EGFLAM: variants seen among roughly 807,000 people sequenced by gnomAD.
The protein encoded by EGFLAM is EGF like, fibronectin type III and laminin G domains, also known as pikachurin.
In EGFLAM, 79 loss-of-function variants were observed where a neutral mutation model predicts 113.1. That is an observed-to-expected ratio of 0.70 (90% confidence interval 0.58 to 0.84). The LOEUF is 0.84. Ranked by LOEUF, EGFLAM falls within the 40% of genes least tolerant of loss-of-function variation. The pLI is 0.00. For synonymous variants in EGFLAM, 504 were observed against 487.6 expected (o/e 1.03, Z -0.44); for missense variants, 1,265 against 1,291.6 (o/e 0.98, Z 0.32).
At chr5:38,263,248 A>C (rs990824673) in intron 1 of EGFLAM, among the ~76,000 whole-genome samples, 1 of 152,136 alleles carries the variant, frequency 6.6e-6, no homozygotes, top group African/African-American at 2.4e-5. Flanking sequence ...GATCACTTGA[A>C]GCCAGGCGTT....
chr5:38,438,590 A>C, intron 17 of EGFLAM, 135 bp downstream of exon 17: 1 of 841,748 alleles, frequency 1.2e-6, no homozygotes. Flanking sequence ...CAATTATTTC[A>C]ATAACTTATT....
intron 17 of EGFLAM, 162 bp from the exon 18 acceptor site, chr5:38,448,139 C>T: frequency 1.4e-6 from 1 of 727,972 alleles, no homozygotes; most frequent in South Asian, 1.8e-5. Flanking sequence ...TGGGGTTGGG[C>T]AACTGTGAAC....
intron 5 of EGFLAM, among the ~76,000 whole-genome samples, chr5:38,357,627 G>A (rs1373520319): frequency 6.6e-6 from 1 of 152,114 alleles, no homozygotes; most frequent in Non-Finnish European, 1.5e-5. Context: ...CATCTAAGGG[G>A]CAGGACTCTG....
At chr5:38,435,309 G>A (rs1024127117) in intron 16 of EGFLAM, 56 bp downstream of exon 16, 24 of 1,318,478 alleles carry the variant, frequency 1.8e-5, no homozygotes, top group Non-Finnish European at 2.3e-5. Context: ...GACAAAGAAA[G>A]TGAGGATTAT....
At chr5:38,341,271 C>T (rs547172479) in intron 3 of EGFLAM, among the ~76,000 whole-genome samples, 1 of 152,324 alleles carries the variant, frequency 6.6e-6, no homozygotes, top group East Asian at 1.9e-4. Flanking sequence ...AAATGACTCA[C>T]AGTTCTGCAT....
At chr5:38,385,816 A>G (rs1054740960) in intron 6 of EGFLAM, among the ~76,000 whole-genome samples, 1 of 152,230 alleles carries the variant, frequency 6.6e-6, no homozygotes, top group African/African-American at 2.4e-5. Flanking sequence ...TGCGTTGCTT[A>G]ACAACAGGGA....
At chr5:38,386,649 G>GGCAT (rs1372180464) in intron 6 of EGFLAM, among the ~76,000 whole-genome samples, 4 of 152,236 alleles carry the variant, frequency 2.6e-5, no homozygotes, top group African/African-American at 7.2e-5. Context: ...TGGGACTACA[G>GGCAT]GCATGTACCA....
At chr5:38,279,190 A>T (rs756084351) in intron 1 of EGFLAM, among the ~76,000 whole-genome samples, 2 of 152,214 alleles carry the variant, frequency 1.3e-5, no homozygotes, top group Non-Finnish European at 2.9e-5. Flanking sequence ...CCCAGCTAGA[A>T]TGGCTGTTAT....
intron 1 of EGFLAM, among the ~76,000 whole-genome samples, chr5:38,332,898 C>T (rs1739082941): frequency 6.6e-6 from 1 of 152,220 alleles, no homozygotes; most frequent in South Asian, 2.1e-4. Flanking sequence ...GAACATGTCA[C>T]AGTGCTACAG....
intron 1 of EGFLAM, among the ~76,000 whole-genome samples, chr5:38,263,842 A>G (rs1757564055): frequency 6.6e-6 from 1 of 152,118 alleles, no homozygotes. Context: ...TTGTATGGAT[A>G]TCTTGGCTTT....
intron 1 of EGFLAM, among the ~76,000 whole-genome samples, chr5:38,319,157 C>T (rs1165313386): frequency 6.6e-6 from 1 of 152,122 alleles, no homozygotes; most frequent in Non-Finnish European, 1.5e-5. Flanking sequence ...CTTCAGCAGA[C>T]CCCCAACTCC....
rs781426022 is a variant in EGFLAM, at chr5:38,412,500, A to G, written c.1350-4A>G. On this transcript the variant is annotated splice_polypyrimidine_tract_variant and splice_region_variant and intron_variant, in intron 10 of 21. Coordinates refer to ENST00000322350, the MANE Select transcript of EGFLAM (RefSeq NM_152403.4). Reference sequence around the variant, plus strand: ...AATCTTCTTTTCCTTTTCCTCCCCAACAGGTTTAATTGTGGAACTGGGGTT... The same window carrying G: ...AATCTTCTTTTCCTTTTCCTCCCCAGCAGGTTTAATTGTGGAACTGGGGTT... 1 of 1,614,094 alleles carries G rather than the reference A, an allele frequency of 6.2e-7. No homozygotes were observed. The highest frequency in any genetic ancestry group is 8.5e-7 in the Non-Finnish European group (1 of 1,179,992).
chr5:38,271,888 G>A (rs1395134273), intron 1 of EGFLAM, among the ~76,000 whole-genome samples: 1 of 152,174 alleles, frequency 6.6e-6, no homozygotes, highest in African/African-American at 2.4e-5. Flanking sequence ...AGCCAGTTAT[G>A]GAATGGAAAA....
chr5:38,462,779 C>T, intron 20 of EGFLAM, 129 bp from the exon 21 acceptor site: 2 of 1,029,770 alleles, frequency 1.9e-6, no homozygotes, highest in African/African-American at 3.2e-5. Context: ...ATTTCTGCAG[C>T]CCCATCATTT....
In EGFLAM at chr5:38,349,773, GCACACACACA is replaced by G. The variant is rs57785664; in HGVS notation, c.292-700_292-691del. 3.7e-3 allele frequency among the ~76,000 whole-genome samples: 487 copies of G among 131,044 alleles called. 9 individuals carry two copies. In the East Asian group the frequency reaches 0.073, roughly 20 times the overall value. The allele number at this position is 131,044 out of a possible 152,430, so 86.0% of individuals were successfully genotyped here. A position where few individuals can be genotyped will look rare whatever the true frequency, so the allele number is the denominator to read the frequency against. On this transcript the variant is annotated intron_variant, in intron 3 of 21. Coordinates refer to ENST00000322350, the MANE Select transcript of EGFLAM (RefSeq NM_152403.4). ...CCCTTTGTGCAGGGGAAGTACACAC[GCACACACACA>G]CACACACACACACACACACACACAC...
At chr5:38,350,441 T>C (rs1437569993) in intron 3 of EGFLAM, 60 bp from the exon 4 acceptor site, 5 of 1,523,420 alleles carry the variant, frequency 3.3e-6, no homozygotes, top group South Asian at 1.2e-5. Flanking sequence ...ATGGAAATTG[T>C]ACAATTTGCC....
intron 11 of EGFLAM, among the ~76,000 whole-genome samples, chr5:38,412,866 G>A (rs769890855): frequency 7.9e-5 from 12 of 152,066 alleles, no homozygotes; most frequent in Non-Finnish European, 1.2e-4. Flanking sequence ...CACATCCACC[G>A]CACATCTACC....
intron 1 of EGFLAM, among the ~76,000 whole-genome samples, chr5:38,293,871 C>A (rs1758394799): frequency 6.6e-6 from 1 of 152,182 alleles, no homozygotes. Context: ...GGCAGATGCA[C>A]ATAGGAATTA....
intron 6 of EGFLAM, among the ~76,000 whole-genome samples, chr5:38,373,862 A>C (rs1033585208): frequency 5.3e-5 from 8 of 152,172 alleles, no homozygotes; most frequent in African/African-American, 1.7e-4. Flanking sequence ...GGTTGTACTA[A>C]TTTGCATTCC....
Sources: allele counts gnomAD v4.1 joint callset (sites outside exome capture counted in the v4.1 genomes callset), GRCh38; gene constraint gnomAD v4.1.1; transcripts MANE v1.5; gene names NCBI Gene and HGNC (gene_info 2026-07-23, HGNC 2026-07-21).